The following E2F2 variants were observed in gnomAD, a reference collection of about 807,000 sequenced individuals.
The protein encoded by E2F2 is transcription factor E2F2.
In E2F2, 22 loss-of-function variants were observed where a neutral mutation model predicts 42.2. The observed-to-expected ratio is 0.52, with a 90% CI of 0.37 to 0.74. E2F2 has a LOEUF of 0.74. Ranked by LOEUF, E2F2 falls within the 30% of genes least tolerant of loss-of-function variation. The pLI is 0.00. For synonymous variants in E2F2, 248 were observed against 251.6 expected (o/e 0.99, Z 0.13); for missense variants, 481 against 557.8 (o/e 0.86, Z 1.39).
chr1:23,518,990 T>TC, intron 5 of E2F2, 26 bp downstream of exon 5: 1 of 1,600,468 alleles, frequency 6.2e-7, no homozygotes, highest in East Asian at 2.2e-5. Flanking sequence ...TCAACCCTGC[T>TC]CTCCACCAAA....
intron 1 of E2F2, among the ~76,000 whole-genome samples, chr1:23,528,967 C>T (rs1018203810): frequency 8.5e-5 from 13 of 152,144 alleles, no homozygotes; most frequent in Non-Finnish European, 1.8e-4. Flanking sequence ...AATCCCAGCA[C>T]TTTGGGAGGC....
At chr1:23,513,561 C>CGTGTGTGTGTGTGTGT (rs1558237706) in intron 6 of E2F2, among the ~76,000 whole-genome samples, 3 of 115,936 alleles carry the variant, frequency 2.6e-5, no homozygotes, top group African/African-American at 9.3e-5. Flanking sequence ...CAGCACGGAA[C>CGTGTGTGTGTGTGTGT]ATGTGTGTGT....
intron 4 of E2F2, 98 bp from the exon 5 acceptor site, chr1:23,519,228 C>G (rs1643089311): frequency 4.1e-6 from 3 of 724,806 alleles, no homozygotes; most frequent in Non-Finnish European, 7.1e-6. Flanking sequence ...AGCCTCTGAA[C>G]ATTACTTTCT....
chr1:23,514,693 TG>T (rs1250791829), intron 6 of E2F2, among the ~76,000 whole-genome samples: 2 of 148,670 alleles, frequency 1.3e-5, no homozygotes, highest in East Asian at 3.9e-4. Context: ...AAAAATTAGC[TG>T]GGTGTGATGG....
intron 1 of E2F2, among the ~76,000 whole-genome samples, chr1:23,528,127 T>C (rs974580894): frequency 6.6e-6 from 1 of 152,194 alleles, no homozygotes; most frequent in Non-Finnish European, 1.5e-5. Flanking sequence ...AAGAGAATGA[T>C]GCCATGCGCC....
downstream of E2F2, among the ~76,000 whole-genome samples, chr1:23,505,914 G>A (rs886399722): frequency 6.6e-6 from 1 of 152,080 alleles, no homozygotes; most frequent in African/African-American, 2.4e-5. Context: ...TCCTGCCTCA[G>A]CCTCTTCAGT....
At chr1:23,518,537 T>C (rs895199046) in intron 5 of E2F2, among the ~76,000 whole-genome samples, 6 of 151,942 alleles carry the variant, frequency 3.9e-5, no homozygotes, top group Non-Finnish European at 7.4e-5. Flanking sequence ...GGAATGAGCT[T>C]AGTGCAATGG....
At chr1:23,516,881 T>A (rs938302465) in intron 5 of E2F2, among the ~76,000 whole-genome samples, 1 of 150,944 alleles carries the variant, frequency 6.6e-6, no homozygotes. Context: ...ACATGATTGG[T>A]TCAGGATGGC....
At chr1:23,510,526 T>C (rs553451109) in intron 6 of E2F2, among the ~76,000 whole-genome samples, 78 of 152,240 alleles carry the variant, frequency 5.1e-4, no homozygotes, top group African/African-American at 1.8e-3. Context: ...GGTTTCACCA[T>C]GTTGGCCAGG....
chr1:23,525,144 G>A (rs1570471684), intron 1 of E2F2, among the ~76,000 whole-genome samples: 1 of 152,178 alleles, frequency 6.6e-6, no homozygotes, highest in South Asian at 2.1e-4. Flanking sequence ...GAGAGGGGCA[G>A]ACAATGAATC....
chr1:23,531,202 C>G lies in E2F2; in HGVS notation c.-409G>C. 1 of 195,300 alleles carries G rather than the reference C, an allele frequency of 5.1e-6. No individual in the cohort carries two copies. Among genetic ancestry groups the G allele is most frequent in the East Asian group, 1.2e-4 (1 of 8,422 alleles). 12.1% of individuals were successfully genotyped at this position (195,300 alleles called of 1,614,324 possible). A position where few individuals can be genotyped will look rare whatever the true frequency, so the allele number is the denominator to read the frequency against. On this transcript the variant is annotated 5_prime_UTR_variant, in exon 1 of 7. Coordinates refer to ENST00000361729, the MANE Select transcript of E2F2 (RefSeq NM_004091.4). ...GGTCTCGACTGCACCGACTTCCTTGCGGCTCGCTCTCTAGTCCTTGAGTCT... is the reference window on the plus strand; with the variant it reads ...GGTCTCGACTGCACCGACTTCCTTGGGGCTCGCTCTCTAGTCCTTGAGTCT...
At chr1:23,525,752 CAG>C (rs1341088713) in intron 1 of E2F2, among the ~76,000 whole-genome samples, 1 of 152,220 alleles carries the variant, frequency 6.6e-6, no homozygotes, top group East Asian at 1.9e-4. Context: ...TCAGGAAACA[CAG>C]AGTCCCTTCC....
chr1:23,527,173 TG>T (rs1643265364), intron 1 of E2F2, among the ~76,000 whole-genome samples: 1 of 152,202 alleles, frequency 6.6e-6, no homozygotes, highest in Non-Finnish European at 1.5e-5. Flanking sequence ...ACCTATAAAA[TG>T]GGCATCATTG....
At chr1:23,527,735 C>G (rs770948167) in intron 1 of E2F2, among the ~76,000 whole-genome samples, 6 of 152,212 alleles carry the variant, frequency 3.9e-5, no homozygotes, top group Non-Finnish European at 7.3e-5. Flanking sequence ...GATTCACTGT[C>G]TTGCCTCTCT....
chr1:23,513,637 G>A (rs1642958775), intron 6 of E2F2, among the ~76,000 whole-genome samples: 1 of 150,790 alleles, frequency 6.6e-6, no homozygotes, highest in Non-Finnish European at 1.5e-5. Flanking sequence ...CCTTGAACCT[G>A]GGAGGCGGAG....
chr1:23,530,943 C>T lies in E2F2; in HGVS notation c.-150G>A, dbSNP rs1022606868. ...CGCCTGCGGGGCAAGGCCGGACCCTCCCCTCCTGGCCCGCGGCCGAGCAGA... is the reference window on the plus strand; with the variant it reads ...CGCCTGCGGGGCAAGGCCGGACCCTTCCCTCCTGGCCCGCGGCCGAGCAGA... On this transcript the variant is annotated 5_prime_UTR_variant, in exon 1 of 7. Coordinates refer to ENST00000361729, the MANE Select transcript of E2F2 (RefSeq NM_004091.4). The surrounding 1 kb of genome is among the most constrained non-coding windows in gnomAD (Gnocchi z 4.4). 4.1e-6 allele frequency: 4 copies of T among 966,298 alleles called. No individual in the cohort carries two copies. Among genetic ancestry groups the T allele is most frequent in the Non-Finnish European group, 5.7e-6 (4 of 701,840 alleles). 59.9% of individuals were successfully genotyped at this position (966,298 alleles called of 1,614,324 possible).
At chr1:23,520,850 G>C in intron 4 of E2F2, 63 bp downstream of exon 4, 1 of 1,450,858 alleles carries the variant, frequency 6.9e-7, no homozygotes, top group Non-Finnish European at 9.1e-7. Flanking sequence ...ATCAACTCAG[G>C]ATAGATATAA....
intron 1 of E2F2, among the ~76,000 whole-genome samples, chr1:23,526,871 A>T (rs1643259740): frequency 6.6e-6 from 1 of 151,902 alleles, no homozygotes; most frequent in East Asian, 1.9e-4. Context: ...ACACACACAC[A>T]CACACACACA....
At chr1:23,523,077 C>G (rs560488405) in intron 2 of E2F2, among the ~76,000 whole-genome samples, 1 of 152,000 alleles carries the variant, frequency 6.6e-6, no homozygotes, top group Non-Finnish European at 1.5e-5. Flanking sequence ...CCTGTCAGGT[C>G]GGAGCAGAAT....
Sources: allele counts gnomAD v4.1 joint callset (sites outside exome capture counted in the v4.1 genomes callset), GRCh38; gene constraint gnomAD v4.1.1; non-coding constraint Gnocchi (gnomAD v3.1); transcripts MANE v1.5; gene names NCBI Gene and HGNC (gene_info 2026-07-23, HGNC 2026-07-21).